TMEM132A: variants seen among roughly 807,000 people sequenced by gnomAD.
The protein encoded by TMEM132A is GRP78-binding protein.
A neutral mutation model predicts 69.9 loss-of-function variants in TMEM132A; 48 were observed. The observed-to-expected ratio is 0.69, with a 90% CI of 0.55 to 0.87. The LOEUF is 0.87. Ranked by LOEUF, TMEM132A falls within the 40% of genes least tolerant of loss-of-function variation. TMEM132A has a pLI of 0.00. For synonymous variants in TMEM132A, 577 were observed against 613.7 expected (o/e 0.94, Z 0.88); for missense variants, 1,287 against 1,407.2 (o/e 0.91, Z 1.37).
chr11:60,936,740 G>C lies in TMEM132A; in HGVS notation c.2905G>C (p.Ala969Pro), dbSNP rs754408893. 6.2e-7 allele frequency: 1 copy of C among 1,601,648 alleles called. No homozygotes were observed. The highest frequency in any genetic ancestry group is 8.5e-7 in the Non-Finnish European group (1 of 1,174,728). ...RRKRVEFVTF[A>P]PAPPAQSPEE... ...GAAGCGAGTAGAGTTTGTGACATTT[G>C]CGCCAGCCCCTCCAGCCCAGTCACC... Residue 969 changes from alanine (A) to proline (P), a missense_variant, in exon 11 of 11, where the codon GCG becomes CCG. Ala to Pro is a conservative substitution (Grantham distance 27). Transcript: ENST00000453848.
chr11:60,924,507 CGGCGGCGGCGGCG>C lies in TMEM132A; in HGVS notation c.-125_-113del. On this transcript the variant is annotated 5_prime_UTR_variant, in exon 1 of 11. Transcript: ENST00000453848. ...GGAATTGCAGCCGCGGGGCGGGCGG[CGGCGGCGGCGGCG>C]GCGGCCGGGACCCAGCGGGCCAGGT... The C allele has an allele frequency of 1.9e-6, 1 of 517,928 alleles. No homozygotes were observed. 32.1% of individuals were successfully genotyped at this position (517,928 alleles called of 1,614,324 possible).
intron 3 of TMEM132A, 80 bp downstream of exon 3, chr11:60,927,939 C>G: frequency 7.7e-7 from 1 of 1,305,780 alleles, no homozygotes; most frequent in Non-Finnish European, 1.0e-6. Context: ...GAGAGGAAAC[C>G]CCCACTCCTG....
chr11:60,935,873 C>T lies in TMEM132A; in HGVS notation c.2038C>T (p.Leu680Phe). The T allele has an allele frequency of 6.2e-7, 1 of 1,611,852 alleles. No homozygotes were observed. Among genetic ancestry groups the T allele is most frequent in the South Asian group, 1.1e-5 (1 of 90,984 alleles). Residue 680 changes from leucine (L) to phenylalanine (F), a missense_variant, in exon 11 of 11, where the codon CTC becomes TTC. Physicochemically the swap from Leu to Phe is conservative, Grantham distance 22. Coordinates refer to ENST00000453848, the MANE Select transcript of TMEM132A (RefSeq NM_178031.3). This position sits in a 1 kb window ranked among gnomAD's most constrained non-coding sequence, Gnocchi z 5.0. Reference protein sequence around the residue: ...ALPAPKQEVALSLWLSFSDHT... With the variant: ...ALPAPKQEVAFSLWLSFSDHT... The stretch of plus-strand genomic sequence containing the variant: ...TCTGTGTGCCCCACAGGAGGTGGCC[C>T]TCTCCCTATGGCTGTCCTTCTCTGA...
chr11:60,927,276 A>G lies in TMEM132A; in HGVS notation c.173A>G (p.His58Arg). 1 of 1,612,772 alleles carries G rather than the reference A, an allele frequency of 6.2e-7. No individual in the cohort carries two copies. The highest frequency in any genetic ancestry group is 8.5e-7 in the Non-Finnish European group (1 of 1,179,764). Reference protein sequence around the residue: ...AALELLDAPEHFRVQQVGHYP... With the variant: ...AALELLDAPERFRVQQVGHYP... ...CTGGAGCTCCTAGACGCCCCTGAACACTTCCGTGTGCAGCAGGTGGGCCAC... is the reference window on the plus strand; with the variant it reads ...CTGGAGCTCCTAGACGCCCCTGAACGCTTCCGTGTGCAGCAGGTGGGCCAC... The change falls in exon 2 of 11, where the codon CAC becomes CGC. Residue 58 changes from histidine to arginine, a missense_variant. Physicochemically the swap from His to Arg is conservative, Grantham distance 29. Coordinates refer to ENST00000453848, the MANE Select transcript of TMEM132A (RefSeq NM_178031.3).
In TMEM132A at chr11:60,924,716, C is replaced by A; in HGVS notation, c.83C>A (p.Ala28Asp). 6.3e-7 allele frequency: 1 copy of A among 1,583,162 alleles called. No homozygotes were observed. Among genetic ancestry groups the A allele is most frequent in the Non-Finnish European group, 8.5e-7 (1 of 1,172,234 alleles). ...TGGCTCTGCCTCCTGGTGGCCCTCG[C>A]CCTGGACGTCGTGAGAGGTCAGCGG... The part of the protein sequence containing the change: ...GPWLCLLVAL[A>D]LDVVRVDCGQ... Residue 28 changes from alanine (A) to aspartate (D), a missense_variant, in exon 1 of 11, where the codon GCC (alanine) becomes GAC (aspartate). Physicochemically the swap from Ala to Asp is moderately radical, Grantham distance 126. Transcript: ENST00000453848.
rs746088871 is a variant in TMEM132A, at chr11:60,936,615, G to A, written c.2780G>A (p.Ser927Asn). The A allele has an allele frequency of 6.3e-6, 10 of 1,578,396 alleles. No individual in the cohort carries two copies. The African/African-American group carries it at 6.7e-5, about 11-fold the overall frequency. Residue 927 changes from serine to asparagine, a missense_variant, in exon 11 of 11, where the codon AGT (serine) becomes AAT (asparagine). By Grantham distance (46) the Ser-to-Asn change is conservative. Coordinates refer to ENST00000453848, the MANE Select transcript of TMEM132A (RefSeq NM_178031.3). ...GGGGAGGGGAGCTGCCCCTGTGAGA[G>A]TGGGGGAGGAGGGGAGGCCCCTACC... ...PKGEGSCPCE[S>N]GGGGEAPTLA...
In TMEM132A at chr11:60,936,121, C is replaced by A; in HGVS notation, c.2286C>A (p.Ala762=). Residue 762 remains alanine, a synonymous_variant, in exon 11 of 11, where the codon GCC becomes GCA. Coordinates refer to ENST00000453848, the MANE Select transcript of TMEM132A (RefSeq NM_178031.3). ...GTGTGCCTCTGGCCTCTGGCACCGC[C>A]TGGCTGGGGCTGCCCCCTGCCTCCA... ...RHRVPLASGT[A]WLGLPPASTP... The A allele has an allele frequency of 6.2e-7, 1 of 1,613,392 alleles. No individual in the cohort carries two copies. The highest frequency in any genetic ancestry group is 1.3e-5 in the African/African-American group (1 of 75,052).
At position 60,937,011 on chromosome 11, in the gene TMEM132A, AGTCCCCTGCCTG is replaced by A; in HGVS notation, c.*111_*122del. The stretch of plus-strand genomic sequence containing the variant: ...CACTCGTCTGGTGCTTGTTGATCCA[AGTCCCCTGCCTG>A]GTCCCCCACAAGGACTCCCATCCAG... On this transcript the variant is annotated 3_prime_UTR_variant, in exon 11 of 11. Coordinates refer to ENST00000453848, the MANE Select transcript of TMEM132A (RefSeq NM_178031.3). 7.7e-7 allele frequency: 1 copy of A among 1,293,592 alleles called. No homozygotes were observed. Among genetic ancestry groups the A allele is most frequent in the African/African-American group, 1.5e-5 (1 of 67,184 alleles). 80.1% of individuals were successfully genotyped at this position (1,293,592 alleles called of 1,614,324 possible). A position where few individuals can be genotyped will look rare whatever the true frequency, so the allele number is the denominator to read the frequency against.
rs573202972 is a variant in TMEM132A at position 60,934,935 on chromosome 11, G to A, written c.1836+171G>A. On this transcript the variant is annotated intron_variant, in intron 9 of 10. Transcript: ENST00000453848. ...GGGATAGGCTCAGAATGGGGTGGCC[G>A]CATAAGGGGGGAAGCCCTCTAGCTA... 1.4e-3 allele frequency among the ~76,000 whole-genome samples: 182 copies of A among 134,016 alleles called. 1 individual carries two copies. Among genetic ancestry groups the A allele is most frequent in the African/African-American group, 4.0e-3 (163 of 40,438 alleles). 87.9% of individuals were successfully genotyped at this position (134,016 alleles called of 152,430 possible).
rs754776416 is a variant in TMEM132A, at chr11:60,928,874, G to A, written c.780G>A (p.Val260=). 1.2e-6 allele frequency: 2 copies of A among 1,612,784 alleles called. No individual in the cohort carries two copies. Among genetic ancestry groups the A allele is most frequent in the Non-Finnish European group, 1.7e-6 (2 of 1,180,024 alleles). ...TGGACGAGGCTGTGACTCTGCGGGT[G>A]CCTGACATGCCAGTGCGGCCCGGCC... The part of the protein sequence containing the change: ...VPLDEAVTLR[V]PDMPVRPGQL... The change falls in exon 4 of 11, where the codon GTG becomes GTA. Residue 260 remains valine, a synonymous_variant. Transcript: ENST00000453848.
At position 60,936,237 on chromosome 11, in the gene TMEM132A, T is replaced by C. The variant is rs1856595584; in HGVS notation, c.2402T>C (p.Val801Ala). 6.2e-7 allele frequency: 1 copy of C among 1,613,572 alleles called. No homozygotes were observed. Among genetic ancestry groups the C allele is most frequent in the Non-Finnish European group, 8.5e-7 (1 of 1,179,886 alleles). The change falls in exon 11 of 11, where the codon GTC (valine) becomes GCC (alanine). Residue 801 changes from valine (V) to alanine (A), a missense_variant. Physicochemically the swap from Val to Ala is moderately conservative, Grantham distance 64. Coordinates refer to ENST00000453848, the MANE Select transcript of TMEM132A (RefSeq NM_178031.3). The part of the protein sequence containing the change: ...MGGKRQVAGS[V>A]GGNTGVRGKF... ...GGTAAACGGCAGGTGGCAGGCAGTG[T>C]CGGGGGCAACACAGGTGTGAGGGGC...
chr11:60,929,055 C>T (rs1164970299), intron 4 of TMEM132A, 95 bp downstream of exon 4: 7 of 1,313,444 alleles, frequency 5.3e-6, no homozygotes, highest in Admixed American at 1.9e-5. Context: ...TGCTGGAATC[C>T]TTGACCTCTG....
rs140765233 is a variant in TMEM132A at position 60,936,465 on chromosome 11, G to A, written c.2630G>A (p.Arg877His). The A allele has an allele frequency of 6.2e-6, 10 of 1,614,034 alleles. No individual in the cohort carries two copies. The highest frequency in any genetic ancestry group is 2.2e-5 in the South Asian group (2 of 91,092). Residue 877 changes from arginine (R) to histidine (H), a missense_variant, in exon 11 of 11, where the codon CGC becomes CAC. Transcript: ENST00000453848. ...NGVVFVLRYQ[R>H]KEPPDSATDP... ...GTGGTCTTCGTCCTGCGCTATCAGC[G>A]CAAAGAACCTCCCGACAGTGCCACT...
rs200558903 is a variant in TMEM132A, at chr11:60,934,493, C to T, written c.1565C>T (p.Ala522Val). The T allele has an allele frequency of 1.4e-6, 2 of 1,389,450 alleles. No homozygotes were observed. Among genetic ancestry groups the T allele is most frequent in the Admixed American group, 3.5e-5 (1 of 28,608 alleles). 86.1% of individuals were successfully genotyped at this position (1,389,450 alleles called of 1,614,324 possible). ...CCGGCCTCCCCGCCCTGCAGGCCTG[C>T]GGAACCCGCTGCAGAGGCGTCGGAT... ...WRVPGPAEGP[A>V]EPAAEASDEA... The change falls in exon 9 of 11, where the codon GCG (alanine) becomes GTG (valine). Residue 522 changes from alanine (A) to valine (V), a missense_variant. Coordinates refer to ENST00000453848, the MANE Select transcript of TMEM132A (RefSeq NM_178031.3).
chr11:60,927,133 C>T (rs1336819381), intron 1 of TMEM132A, 71 bp from the exon 2 acceptor site: 2 of 1,332,580 alleles, frequency 1.5e-6, no homozygotes, highest in African/African-American at 1.4e-5. Flanking sequence ...TACTGTGCCC[C>T]AGCATGGCAC....
rs1301674756 is a variant in TMEM132A, at chr11:60,935,325, T to C, written c.1910T>C (p.Leu637Pro). Residue 637 changes from leucine to proline, a missense_variant, in exon 10 of 11, where the codon CTG becomes CCG. Physicochemically the swap from Leu to Pro is moderately conservative, Grantham distance 98. Coordinates refer to ENST00000453848, the MANE Select transcript of TMEM132A (RefSeq NM_178031.3). This position sits in a 1 kb window ranked among gnomAD's most constrained non-coding sequence, Gnocchi z 5.0. Reference protein sequence around the residue: ...LAVTDDKVSVLELRVQPVMGI... With the variant: ...LAVTDDKVSVPELRVQPVMGI... ...GTGACGGACGACAAGGTCTCAGTGC[T>C]GGAGCTGAGGGTGCAGCCAGTGATG... 1.2e-6 allele frequency: 2 copies of C among 1,613,190 alleles called. No homozygotes were observed. Among genetic ancestry groups the C allele is most frequent in the Admixed American group, 1.7e-5 (1 of 59,934 alleles).
At position 60,937,096 on chromosome 11, in the gene TMEM132A, G is replaced by A; in HGVS notation, c.*189G>A. The A allele has an allele frequency of 7.0e-7, 1 of 1,431,344 alleles. No individual in the cohort carries two copies. Among genetic ancestry groups the A allele is most frequent in the African/African-American group, 1.4e-5 (1 of 70,454 alleles). The allele number at this position is 1,431,344 out of a possible 1,614,324, so 88.7% of individuals were successfully genotyped here. A position where few individuals can be genotyped will look rare whatever the true frequency, so the allele number is the denominator to read the frequency against. ...TCATGGACCATGGTCGTGAGGAAGG[G>A]CTCATGCCCCTTATTTATGGGAACC... On this transcript the variant is annotated 3_prime_UTR_variant, in exon 11 of 11. Coordinates refer to ENST00000453848, the MANE Select transcript of TMEM132A (RefSeq NM_178031.3).
intron 7 of TMEM132A, 106 bp from the exon 8 acceptor site, chr11:60,933,436 G>A (rs188368546): frequency 1.9e-5 from 17 of 883,526 alleles, no homozygotes; most frequent in East Asian, 5.3e-5. Flanking sequence ...CACCCACCTC[G>A]GCCTCTCAGA....
Position 60,929,086 on chromosome 11 carries a change from CT to C in TMEM132A, c.866+127del, listed in dbSNP as rs1554983434. ...CTCTGCAAAACATGTGTCCACCAAACTAAACTCCTTCCAGGTAAAAAGCCAT... is the reference window on the plus strand; with the variant it reads ...CTCTGCAAAACATGTGTCCACCAAACAAACTCCTTCCAGGTAAAAAGCCAT... On this transcript the variant is annotated intron_variant, in intron 4 of 10. Coordinates refer to ENST00000453848, the MANE Select transcript of TMEM132A (RefSeq NM_178031.3). 3.5e-5 allele frequency: 11 copies of C among 317,318 alleles called. No homozygotes were observed. The South Asian group carries it at 5.9e-4, about 17-fold the overall frequency. 19.7% of individuals were successfully genotyped at this position (317,318 alleles called of 1,614,324 possible). A position where few individuals can be genotyped will look rare whatever the true frequency, so the allele number is the denominator to read the frequency against.
Sources: gnomAD v4.1 joint callset for allele counts (sites outside exome capture counted in the v4.1 genomes callset) on GRCh38, gnomAD v4.1.1 for gene constraint, Gnocchi (gnomAD v3.1) non-coding constraint, MANE v1.5 for transcripts, NCBI Gene and HGNC (gene_info 2026-07-23, HGNC 2026-07-21) for gene names.